WHRN: variants seen among roughly 807,000 people sequenced by gnomAD.
The protein encoded by WHRN is CASK-interacting protein CIP98.
In WHRN, 41 loss-of-function variants were observed where a neutral mutation model predicts 68.3. That is an observed-to-expected ratio of 0.60 (90% CI 0.47 to 0.78). The LOEUF (loss-of-function observed/expected upper bound fraction) is 0.78. Ranked by LOEUF, WHRN falls within the 30% of genes least tolerant of loss-of-function variation. WHRN has a pLI of 0.00. For synonymous variants in WHRN, 560 were observed against 561.3 expected, an observed-to-expected ratio of 1.00 and a Z score of 0.03; for missense variants, 1,243 against 1,244.7, an observed-to-expected ratio of 1.00 and a Z score of 0.02.
intron 1 of WHRN, among the ~76,000 whole-genome samples, chr9:114,485,471 A>G (rs2133218945): frequency 6.6e-6 from 1 of 152,106 alleles, no homozygotes; most frequent in African/African-American, 2.4e-5. Flanking sequence ...CGGGTGGATC[A>G]CCTGAAGTCA....
At chr9:114,489,330 T>G (rs966617843) in intron 1 of WHRN, among the ~76,000 whole-genome samples, 19 of 152,130 alleles carry the variant, frequency 1.2e-4, no homozygotes, top group African/African-American at 4.3e-4. Flanking sequence ...AATTTACCTC[T>G]CCTGAAGTTA....
chr9:114,433,698 A>G (rs1383205676), intron 3 of WHRN, among the ~76,000 whole-genome samples: 1 of 152,202 alleles, frequency 6.6e-6, no homozygotes, highest in African/African-American at 2.4e-5. Flanking sequence ...TGAAAAAGAA[A>G]ATAAAAAGAT....
At chr9:114,428,824 GCC>G (rs34842946) in intron 3 of WHRN, among the ~76,000 whole-genome samples, 1 of 150,792 alleles carries the variant, frequency 6.6e-6, no homozygotes, top group Admixed American at 6.6e-5. Context: ...ACCCCCATCA[GCC>G]CCCTGACCTC....
intron 7 of WHRN, 104 bp from the exon 8 acceptor site, chr9:114,408,122 T>A: frequency 2.3e-6 from 2 of 883,888 alleles, no homozygotes; most frequent in Non-Finnish European, 3.7e-6. Context: ...GACACCTCCA[T>A]GTGGTTCATG....
Position 114,402,632 on chromosome 9 carries a change from G to T in WHRN, c.*122C>A. On this transcript the variant is annotated 3_prime_UTR_variant, in exon 12 of 12. Transcript: ENST00000362057. ...GTCCAGTGGGCTGGGATGGAGGGGG[G>T]ATGTCTTCCTGCCACCCTGGCCATG... The T allele has an allele frequency of 8.1e-7, 1 of 1,233,900 alleles. No individual in the cohort carries two copies. The highest frequency in any genetic ancestry group is 1.2e-6 in the Non-Finnish European group (1 of 847,694). 76.4% of individuals were successfully genotyped at this position (1,233,900 alleles called of 1,614,324 possible).
At chr9:114,435,000 G>A (rs1837725510) in intron 3 of WHRN, among the ~76,000 whole-genome samples, 1 of 152,036 alleles carries the variant, frequency 6.6e-6, no homozygotes, top group Non-Finnish European at 1.5e-5. Flanking sequence ...CCAGACCATT[G>A]TTCCTCTGCC....
intron 3 of WHRN, among the ~76,000 whole-genome samples, chr9:114,464,842 TGATGATGATGATGATGATGATGATGTC>T (rs879875865): frequency 0.082 from 12,440 of 151,440 alleles, 1,430 homozygotes; most frequent in African/African-American, 0.26. Context: ...ATGATGATGA[TGATGATGATGATGATGATGATGATGTC>T]GTCTGTCTGT....
chr9:114,439,177 C>T (rs730646), intron 3 of WHRN, among the ~76,000 whole-genome samples: 8,611 of 152,206 alleles, frequency 0.057, 316 homozygotes, highest in Non-Finnish European at 0.08. Context: ...GAGTCGTACT[C>T]GGAGTGTACC....
intron 2 of WHRN, among the ~76,000 whole-genome samples, chr9:114,472,949 A>G (rs949154930): frequency 4.6e-5 from 7 of 152,240 alleles, no homozygotes; most frequent in African/African-American, 1.2e-4. Context: ...CCAAGGTCAC[A>G]CAGTCACGAA....
In WHRN at chr9:114,402,937, C is replaced by T. The variant is rs1250528376; in HGVS notation, c.2542-1G>A. The T allele has an allele frequency of 6.2e-7, 1 of 1,609,104 alleles. No individual in the cohort carries two copies. Among genetic ancestry groups the T allele is most frequent in the Non-Finnish European group, 8.5e-7 (1 of 1,178,106 alleles). ...CACAGTTGTGAGCTGAGCCGCCTCT[C>T]TGCAGGGAGGAGACACAGGGCATGG... On this transcript the variant is annotated splice_acceptor_variant, in intron 11 of 11. Transcript: ENST00000362057. LOFTEE classifies it high-confidence loss of function.
At chr9:114,495,154 G>A (rs1038044020) in intron 1 of WHRN, among the ~76,000 whole-genome samples, 1 of 152,262 alleles carries the variant, frequency 6.6e-6, no homozygotes, top group African/African-American at 2.4e-5. Flanking sequence ...GTAAAGATCA[G>A]AGCATGGGCA....
chr9:114,405,075 T>C (rs1220100096), intron 9 of WHRN, among the ~76,000 whole-genome samples: 65 of 135,194 alleles, frequency 4.8e-4, no homozygotes, highest in South Asian at 1.2e-3. Flanking sequence ...TCTCTCTTTT[T>C]TTTTTTTTTT....
chr9:114,404,422 C>T (rs1185129262), intron 9 of WHRN, among the ~76,000 whole-genome samples: 2 of 152,244 alleles, frequency 1.3e-5, no homozygotes, highest in Admixed American at 6.5e-5. Context: ...TTAAAACTCA[C>T]ATAATGCTAC....
Position 114,436,790 on chromosome 9 carries a change from C to T in WHRN, c.964-10377G>A, listed in dbSNP as rs187787409. Among the ~76,000 whole-genome samples, 559 of 152,150 alleles carry T rather than the reference C, an allele frequency of 3.7e-3. 1 individual carries two copies. The highest frequency in any genetic ancestry group is 0.013 in the African/African-American group (536 of 41,500). ...GCTGTAGTGAGCCGAGATTGCGCCA[C>T]TGCACTCCAGCCTGGGTGACAGAGC... On this transcript the variant is annotated intron_variant, in intron 3 of 11. Transcript: ENST00000362057.
At chr9:114,412,669 T>A (rs1049466914) in intron 7 of WHRN, among the ~76,000 whole-genome samples, 1 of 152,144 alleles carries the variant, frequency 6.6e-6, no homozygotes, top group Non-Finnish European at 1.5e-5. Flanking sequence ...TTCAGCAAAT[T>A]CCCTTTTTTT....
chr9:114,405,394 T>C (rs1834957226), intron 9 of WHRN, among the ~76,000 whole-genome samples: 1 of 152,316 alleles, frequency 6.6e-6, no homozygotes. Flanking sequence ...CTACTTTGTA[T>C]GTCTCAGTTT....
rs1399374721 is a variant in WHRN, at chr9:114,402,920, T to C, written c.2558A>G (p.His853Arg). ...IVTIQRGGSA[H>R]NCGQLKVGHV... ...GCCCACCTTGAGCTGCCCACAGTTG[T>C]GAGCTGAGCCGCCTCTCTGCAGGGA... The change falls in exon 12 of 12, where the codon CAC (histidine) becomes CGC (arginine). Residue 853 changes from histidine (H) to arginine (R), a missense_variant. Transcript: ENST00000362057. 1.9e-6 allele frequency: 3 copies of C among 1,611,934 alleles called. No homozygotes were observed. In the South Asian group the frequency reaches 3.3e-5, roughly 18 times the overall value.
chr9:114,474,576 T>G (rs1206677498), intron 2 of WHRN, among the ~76,000 whole-genome samples: 2 of 152,178 alleles, frequency 1.3e-5, no homozygotes, highest in Non-Finnish European at 2.9e-5. Flanking sequence ...GTACCCTCTG[T>G]CTGGGTCACC....
At chr9:114,430,653 C>T (rs1031696253) in intron 3 of WHRN, among the ~76,000 whole-genome samples, 2 of 152,180 alleles carry the variant, frequency 1.3e-5, no homozygotes, top group Admixed American at 1.3e-4. Context: ...GTTGGCTGTG[C>T]GAGTCACATT....
Sources: gnomAD v4.1 joint callset for allele counts (sites outside exome capture counted in the v4.1 genomes callset) on GRCh38, gnomAD v4.1.1 for gene constraint, MANE v1.5 for transcripts, NCBI Gene and HGNC (gene_info 2026-07-23, HGNC 2026-07-21) for gene names.